Variants in HEBP2 observed in about 807,000 individuals in gnomAD.
The protein encoded by HEBP2 is heme binding protein 2, also known as heme-binding protein 2.
HEBP2 carries 27 observed loss-of-function variants against 23.1 expected under a neutral mutation model. The observed-to-expected ratio is 1.17, with a 90% CI of 0.86 to 1.61. The LOEUF (loss-of-function observed/expected upper bound fraction) is 1.61. Ranked by LOEUF, HEBP2 falls within the 40% of genes most tolerant of loss-of-function variation. The pLI, the probability that HEBP2 is intolerant of heterozygous loss-of-function variation, is 0.00. For synonymous variants in HEBP2, 99 were observed against 95.1 expected (o/e 1.04, Z -0.24); for missense variants, 245 against 253.8 (o/e 0.97, Z 0.24).
In HEBP2 at chr6:138,419,328, G is replaced by A. The variant is rs1393991806; in HGVS notation, c.*6250G>A. On this transcript the variant is annotated 3_prime_UTR_variant, in exon 4 of 4. Coordinates refer to ENST00000607197, the MANE Select transcript of HEBP2 (RefSeq NM_014320.3). ...GCTTGATAGCAAATTCACTATGGTA[G>A]GCTCATTCTTTCCTAGAAGCACCAG... The A allele has an allele frequency of 6.6e-6, 1 of 152,236 alleles. No individual in the cohort carries two copies. Among genetic ancestry groups the A allele is most frequent in the African/African-American group, 2.4e-5 (1 of 41,444 alleles). 9.4% of individuals were successfully genotyped at this position (152,236 alleles called of 1,614,324 possible).
chr6:138,412,083 G>A (rs1313128694), intron 3 of HEBP2: 3 of 448,860 alleles, frequency 6.7e-6, no homozygotes, highest in South Asian at 3.1e-5. Context: ...TTTTCCTTAG[G>A]AGAGGGAAAA....
chr6:138,413,291 TA>T lies in HEBP2; in HGVS notation c.*215del, dbSNP rs1279551593. 1 of 483,226 alleles carries T rather than the reference TA, an allele frequency of 2.1e-6. No individual in the cohort carries two copies. Among genetic ancestry groups the T allele is most frequent in the Admixed American group, 3.6e-5 (1 of 27,490 alleles). The allele number at this position is 483,226 out of a possible 1,614,324, so 29.9% of individuals were successfully genotyped here. A position where few individuals can be genotyped will look rare whatever the true frequency, so the allele number is the denominator to read the frequency against. ...AGTCTGTAAACATATAAATCGGTCA[TA>T]ACTATCGTGGTCTTTATTTCTGTGA... On this transcript the variant is annotated 3_prime_UTR_variant, in exon 4 of 4. Coordinates refer to ENST00000607197, the MANE Select transcript of HEBP2 (RefSeq NM_014320.3).
chr6:138,404,603 C>T lies in HEBP2; in HGVS notation c.102+6C>T. 4 of 1,274,098 alleles carry T rather than the reference C, an allele frequency of 3.1e-6. No individual in the cohort carries two copies. Among genetic ancestry groups the T allele is most frequent in the Non-Finnish European group, 3.0e-6 (3 of 1,009,458 alleles). The allele number at this position is 1,274,098 out of a possible 1,614,324, so 78.9% of individuals were successfully genotyped here. A position where few individuals can be genotyped will look rare whatever the true frequency, so the allele number is the denominator to read the frequency against. ...CGGAGGACGCCGGCCCCCAGGTAGG[C>T]GCCGACTCGGGAGCGGAGGGGCTGG... On this transcript the variant is annotated splice_donor_region_variant and intron_variant, in intron 1 of 3. Transcript: ENST00000607197.
chr6:138,406,162 G>T lies in HEBP2; in HGVS notation c.419+11G>T. 8 of 1,611,602 alleles carry T rather than the reference G, an allele frequency of 5.0e-6. No homozygotes were observed. The highest frequency in any genetic ancestry group is 6.8e-6 in the Non-Finnish European group (8 of 1,178,550). ...GACTGTGTTTGTACGGTAAGTGGTAGATAATTTATAGCCTTGCTGACTGCT... is the reference window on the plus strand; with the variant it reads ...GACTGTGTTTGTACGGTAAGTGGTATATAATTTATAGCCTTGCTGACTGCT... On this transcript the variant is annotated intron_variant, in intron 3 of 3. Coordinates refer to ENST00000607197, the MANE Select transcript of HEBP2 (RefSeq NM_014320.3).
chr6:138,415,322 G>C lies in HEBP2; in HGVS notation c.*2244G>C, dbSNP rs1037391049. ...TTGCAGGCTGAGTGACTCACTGTCTGGCTGGCTCGGAGGCCCCCATCCCTG... is the reference window on the plus strand; with the variant it reads ...TTGCAGGCTGAGTGACTCACTGTCTCGCTGGCTCGGAGGCCCCCATCCCTG... On this transcript the variant is annotated 3_prime_UTR_variant, in exon 4 of 4. Transcript: ENST00000607197. The C allele has an allele frequency of 3.3e-5, 5 of 152,178 alleles. No homozygotes were observed. The highest frequency in any genetic ancestry group is 1.2e-4 in the African/African-American group (5 of 41,422). The allele number at this position is 152,178 out of a possible 1,614,324, so 9.4% of individuals were successfully genotyped here. A position where few individuals can be genotyped will look rare whatever the true frequency, so the allele number is the denominator to read the frequency against.
chr6:138,416,882 T>G lies in HEBP2; in HGVS notation c.*3804T>G, dbSNP rs1209322780. Reference sequence around the variant, plus strand: ...TTCCTTGCCAGTTTCTAGTTCAGTTTTCTGACCTAGAGCTCATTAATTGCA... The same window carrying G: ...TTCCTTGCCAGTTTCTAGTTCAGTTGTCTGACCTAGAGCTCATTAATTGCA... On this transcript the variant is annotated 3_prime_UTR_variant, in exon 4 of 4. Transcript: ENST00000607197. 1 of 152,238 alleles carries G rather than the reference T, an allele frequency of 6.6e-6. No homozygotes were observed. The allele number at this position is 152,238 out of a possible 1,614,324, so 9.4% of individuals were successfully genotyped here.
rs1347928892 is a variant in HEBP2 at position 138,412,911 on chromosome 6, A to T, written c.451A>T (p.Asn151Tyr). 6.2e-7 allele frequency: 1 copy of T among 1,614,096 alleles called. No individual in the cohort carries two copies. The highest frequency in any genetic ancestry group is 1.7e-5 in the Admixed American group (1 of 60,028). The change falls in exon 4 of 4, where the codon AAT becomes TAT. Residue 151 changes from asparagine to tyrosine, a missense_variant. Asn to Tyr is a moderately radical substitution (Grantham distance 143). Coordinates refer to ENST00000607197, the MANE Select transcript of HEBP2 (RefSeq NM_014320.3). Reference sequence around the variant, plus strand: ...CGATGGATTTTCTAGTGCCCAAAAGAATCAAGAACAACTTTTGACATTAGC... The same window carrying T: ...CGATGGATTTTCTAGTGCCCAAAAGTATCAAGAACAACTTTTGACATTAGC... ...SFDGFSSAQKNQEQLLTLASI... is the reference protein window; with the variant it reads ...SFDGFSSAQKYQEQLLTLASI...
intron 3 of HEBP2, among the ~76,000 whole-genome samples, chr6:138,410,959 G>A (rs746642167): frequency 1.4e-4 from 22 of 152,234 alleles, no homozygotes; most frequent in Non-Finnish European, 1.8e-4. Context: ...GGTTCTGGGT[G>A]CTGGGTAGAC....
At chr6:138,405,915 T>G (rs1193695799) in intron 2 of HEBP2, 56 bp from the exon 3 acceptor site, 1 of 1,396,372 alleles carries the variant, frequency 7.2e-7, no homozygotes, top group Admixed American at 2.0e-5. Flanking sequence ...AAGAATAGGT[T>G]AAATGTTTAA....
At chr6:138,411,691 C>T (rs936502263) in intron 3 of HEBP2, among the ~76,000 whole-genome samples, 6 of 152,232 alleles carry the variant, frequency 3.9e-5, no homozygotes, top group African/African-American at 1.4e-4. Context: ...GGCGTGGTGG[C>T]TTATGCCTAT....
intron 3 of HEBP2, among the ~76,000 whole-genome samples, 193 bp from the exon 4 acceptor site, chr6:138,412,687 C>G (rs1048136733): frequency 6.6e-6 from 1 of 152,172 alleles, no homozygotes; most frequent in African/African-American, 2.4e-5. Context: ...CTCCTGACCT[C>G]AAGTGATCCG....
At chr6:138,412,464 T>C (rs1406975651) in intron 3 of HEBP2, among the ~76,000 whole-genome samples, 1 of 152,128 alleles carries the variant, frequency 6.6e-6, no homozygotes, top group African/African-American at 2.4e-5. Context: ...TTTATTTTTA[T>C]TTTTTGAGAA....
chr6:138,416,583 GGAT>G lies in HEBP2; in HGVS notation c.*3514_*3516del, dbSNP rs981285265. The G allele has an allele frequency of 6.6e-6, 1 of 152,316 alleles. No individual in the cohort carries two copies. The highest frequency in any genetic ancestry group is 1.5e-5 in the Non-Finnish European group (1 of 68,118). 9.4% of individuals were successfully genotyped at this position (152,316 alleles called of 1,614,324 possible). ...GAACTTCACTTGCTGAGAGCAATGT[GGAT>G]GATGATGAGACCTTGAAGAGCCCAG... On this transcript the variant is annotated 3_prime_UTR_variant, in exon 4 of 4. Coordinates refer to ENST00000607197, the MANE Select transcript of HEBP2 (RefSeq NM_014320.3).
At chr6:138,404,810 C>G (rs943722653) in intron 1 of HEBP2, among the ~76,000 whole-genome samples, 1 of 151,572 alleles carries the variant, frequency 6.6e-6, no homozygotes, top group Non-Finnish European at 1.5e-5. Context: ...CTTGTCTTTG[C>G]GGGGTGGTGG....
At chr6:138,412,207 C>T (rs1774758780) in intron 3 of HEBP2, 1 of 360,800 alleles carries the variant, frequency 2.8e-6, no homozygotes, top group Admixed American at 3.9e-5. Context: ...AGGAAATACA[C>T]TCTCAGGCCC....
In HEBP2 at chr6:138,412,992, G is replaced by C; in HGVS notation, c.532G>C (p.Gly178Arg). The stretch of plus-strand genomic sequence containing the variant: ...CGATGAGAAGGTTTACTACACTGCA[G>C]GCTACAACAGTCCTGTCAAATTGCT... Reference protein sequence around the residue: ...VFDEKVYYTAGYNSPVKLLNR... With the variant: ...VFDEKVYYTARYNSPVKLLNR... The change falls in exon 4 of 4, where the codon GGC becomes CGC. Residue 178 changes from glycine to arginine, a missense_variant. Coordinates refer to ENST00000607197, the MANE Select transcript of HEBP2 (RefSeq NM_014320.3). The C allele has an allele frequency of 6.2e-7, 1 of 1,614,044 alleles. No individual in the cohort carries two copies. The highest frequency in any genetic ancestry group is 1.1e-5 in the South Asian group (1 of 91,084).
intron 3 of HEBP2, 43 bp from the exon 4 acceptor site, chr6:138,412,837 C>A: frequency 6.6e-7 from 1 of 1,522,182 alleles, no homozygotes; most frequent in South Asian, 1.1e-5. Flanking sequence ...ACATTCACAT[C>A]AGTATTAAAA....
At chr6:138,406,979 C>G (rs1396210809) in intron 3 of HEBP2, among the ~76,000 whole-genome samples, 28 of 152,022 alleles carry the variant, frequency 1.8e-4, no homozygotes, top group Admixed American at 1.8e-3. Flanking sequence ...TGCAGTGAGC[C>G]GTAATTGCAC....
intron 3 of HEBP2, among the ~76,000 whole-genome samples, chr6:138,408,910 G>A (rs1402972124): frequency 6.6e-6 from 1 of 152,116 alleles, no homozygotes; most frequent in East Asian, 1.9e-4. Context: ...CTCTCTTTGG[G>A]GTTGGGGGAA....
Sources: gnomAD v4.1 joint callset for allele counts (sites outside exome capture counted in the v4.1 genomes callset) on GRCh38, gnomAD v4.1.1 for gene constraint, MANE v1.5 for transcripts, NCBI Gene and HGNC (gene_info 2026-07-23, HGNC 2026-07-21) for gene names.